The following FAM118A variants were observed in gnomAD, a reference collection of about 807,000 sequenced individuals.
FAM118A encodes SIR2 antiphage like 2.
Under a neutral mutation model 38.2 loss-of-function variants are expected in FAM118A, and 25 were observed. The ratio of observed to expected loss-of-function variants is 0.65; its 90% CI spans 0.48 to 0.91. FAM118A has a LOEUF of 0.91. Among genes scored for constraint, FAM118A ranks in the 40% least tolerant of loss-of-function variants. The pLI is 0.00. For missense variants in FAM118A, 425 were observed against 463.3 expected (o/e 0.92, Z 0.76); for synonymous variants, 178 against 184.1 (o/e 0.97, Z 0.27).
chr22:45,331,771 C>G (rs1480288652), intron 5 of FAM118A, among the ~76,000 whole-genome samples: 1 of 152,162 alleles, frequency 6.6e-6, no homozygotes, highest in Non-Finnish European at 1.5e-5. Context: ...AATACCTGGG[C>G]TGAGACTGAG....
At chr22:45,338,337 T>G (rs1602012772) in intron 8 of FAM118A, among the ~76,000 whole-genome samples, 1 of 152,244 alleles carries the variant, frequency 6.6e-6, no homozygotes, top group East Asian at 1.9e-4. Context: ...TCAAGCTGTT[T>G]TCCTGCCTCA....
chr22:45,336,475 G>A, intron 8 of FAM118A, 64 bp downstream of exon 8: 1 of 1,328,566 alleles, frequency 7.5e-7, no homozygotes, highest in South Asian at 1.2e-5. Flanking sequence ...GGCATCTTCA[G>A]GGACCGTGCT....
At position 45,335,332 on chromosome 22, in the gene FAM118A, C is replaced by T; in HGVS notation, c.938-18C>T. The T allele has an allele frequency of 2.5e-6, 4 of 1,614,206 alleles. No individual in the cohort carries two copies. In the South Asian group the frequency reaches 4.4e-5, roughly 18 times the overall value. Reference sequence around the variant, plus strand: ...CTTGGTGTCTCGGCTCCACTGACTGCTTTTCTTTCTCCTTCAGATGCTGAT... The same window carrying T: ...CTTGGTGTCTCGGCTCCACTGACTGTTTTTCTTTCTCCTTCAGATGCTGAT... On this transcript the variant is annotated intron_variant, in intron 6 of 8. Coordinates refer to ENST00000441876, the MANE Select transcript of FAM118A (RefSeq NM_017911.4).
At chr22:45,309,869 G>C (rs1417859551), upstream of FAM118A, 1 of 152,196 alleles carries the variant, frequency 6.6e-6, no homozygotes, top group Non-Finnish European at 1.5e-5. Context: ...TCCGGGGACC[G>C]CGGGGCCGTT....
chr22:45,322,343 G>A (rs1331254988), intron 1 of FAM118A, 28 bp from the exon 2 acceptor site: 1 of 1,602,750 alleles, frequency 6.2e-7, no homozygotes, highest in East Asian at 2.2e-5. Context: ...GGAGACAGAA[G>A]TCACTTCTGA....
Position 45,335,317 on chromosome 22 carries a change from C to T in FAM118A, c.938-33C>T, listed in dbSNP as rs200113110. 348 of 1,613,910 alleles carry T rather than the reference C, an allele frequency of 2.2e-4. No individual in the cohort carries two copies. The African/African-American group carries it at 4.2e-3, about 20-fold the overall frequency. On this transcript the variant is annotated intron_variant, in intron 6 of 8. Transcript: ENST00000441876. Reference sequence around the variant, plus strand: ...CGAGGAGGACGAGCTCTTGGTGTCTCGGCTCCACTGACTGCTTTTCTTTCT... The same window carrying T: ...CGAGGAGGACGAGCTCTTGGTGTCTTGGCTCCACTGACTGCTTTTCTTTCT...
Position 45,327,728 on chromosome 22 carries a change from G to A in FAM118A, c.301-114G>A, listed in dbSNP as rs2085387149. On this transcript the variant is annotated intron_variant, in intron 3 of 8. Coordinates refer to ENST00000441876, the MANE Select transcript of FAM118A (RefSeq NM_017911.4). Reference sequence around the variant, plus strand: ...GGTTGCGGCGCACGCTGTGAAGCCAGATTTTCTTTGTTTTCAGCCGCTGTA... The same window carrying A: ...GGTTGCGGCGCACGCTGTGAAGCCAAATTTTCTTTGTTTTCAGCCGCTGTA... The A allele has an allele frequency of 2.7e-6, 3 of 1,096,578 alleles. No homozygotes were observed. In the Admixed American group the frequency reaches 6.1e-5, roughly 22 times the overall value. 67.9% of individuals were successfully genotyped at this position (1,096,578 alleles called of 1,614,324 possible).
chr22:45,324,851 A>G (rs1455980392), intron 3 of FAM118A, among the ~76,000 whole-genome samples: 1 of 152,224 alleles, frequency 6.6e-6, no homozygotes, highest in East Asian at 1.9e-4. Flanking sequence ...GTTTGAGACC[A>G]GCCTGGCCAA....
rs117005076 is a variant in FAM118A, at chr22:45,312,021, G to T, written c.-10+1838G>T. ...GGTGGGGAGAGGCTGAGTCTCAGAGGTGGGCCAGGACCATGCTGGGCTAGG... is the reference window on the plus strand; with the variant it reads ...GGTGGGGAGAGGCTGAGTCTCAGAGTTGGGCCAGGACCATGCTGGGCTAGG... On this transcript the variant is annotated intron_variant, in intron 1 of 8. Transcript: ENST00000441876. 1.2e-3 allele frequency among the ~76,000 whole-genome samples: 177 copies of T among 152,222 alleles called. 5 individuals are homozygous for T. In the East Asian group the frequency reaches 0.034, roughly 29 times the overall value.
At position 45,332,447 on chromosome 22, in the gene FAM118A, G is replaced by A. The variant is rs774968419; in HGVS notation, c.674G>A (p.Arg225His). The A allele has an allele frequency of 1.6e-5, 26 of 1,613,512 alleles. No homozygotes were observed. The highest frequency in any genetic ancestry group is 2.1e-5 in the Non-Finnish European group (25 of 1,179,870). Residue 225 changes from arginine to histidine, a missense_variant, in exon 6 of 9, where the codon CGC becomes CAC. Coordinates refer to ENST00000441876, the MANE Select transcript of FAM118A (RefSeq NM_017911.4). ...EVMEVLQNLY[R>H]TKSFLFVGCG... ...TAGGAAGTCCTCCAGAACTTATACC[G>A]CACCAAGTCCTTTCTGTTTGTGGGC...
At chr22:45,318,867 G>A (rs772849259) in intron 1 of FAM118A, 3 of 152,158 alleles carry the variant, frequency 2.0e-5, no homozygotes, top group Non-Finnish European at 2.9e-5. Flanking sequence ...TGTCTGAGGA[G>A]CCAGCACCAG....
intron 8 of FAM118A, among the ~76,000 whole-genome samples, chr22:45,340,034 G>T (rs1253286001): frequency 1.3e-5 from 2 of 152,216 alleles, no homozygotes; most frequent in Non-Finnish European, 2.9e-5. Flanking sequence ...GATCCCAGAG[G>T]AATCGACAGG....
intron 8 of FAM118A, among the ~76,000 whole-genome samples, chr22:45,338,987 G>T (rs1043610005): frequency 6.6e-6 from 1 of 152,258 alleles, no homozygotes; most frequent in African/African-American, 2.4e-5. Flanking sequence ...GGTGGCAGGG[G>T]GTGGGGGCGC....
At chr22:45,332,757 T>C (rs762543302) in intron 6 of FAM118A, 47 bp downstream of exon 6, 1 of 1,522,862 alleles carries the variant, frequency 6.6e-7, no homozygotes, top group South Asian at 1.3e-5. Flanking sequence ...TTTTCTTTTT[T>C]TTTTTTGAGA....
chr22:45,313,104 A>T (rs1381858158), intron 1 of FAM118A, among the ~76,000 whole-genome samples: 1 of 152,084 alleles, frequency 6.6e-6, no homozygotes, highest in African/African-American at 2.4e-5. Context: ...TAGCATACAA[A>T]ATGACAGCAC....
chr22:45,312,078 C>T (rs778304565), intron 1 of FAM118A, among the ~76,000 whole-genome samples: 31 of 152,224 alleles, frequency 2.0e-4, no homozygotes, highest in Non-Finnish European at 3.8e-4. Context: ...GTGGAAAAAC[C>T]ACCCATCGTG....
chr22:45,337,710 T>C, intron 8 of FAM118A: 1 of 402,930 alleles, frequency 2.5e-6, no homozygotes, highest in Non-Finnish European at 3.4e-6. Flanking sequence ...CTCCCCTCCT[T>C]CTCTCTGAGA....
intron 8 of FAM118A, chr22:45,337,830 G>A (rs2086214326): frequency 1.0e-6 from 1 of 985,360 alleles, no homozygotes. Context: ...CCATGTGTCT[G>A]CAGGTGTCTG....
At chr22:45,323,017 G>A (rs754634250) in intron 2 of FAM118A, among the ~76,000 whole-genome samples, 158 bp from the exon 3 acceptor site, 20 of 149,410 alleles carry the variant, frequency 1.3e-4, no homozygotes, top group Admixed American at 4.0e-4. Context: ...TACACAGGCC[G>A]TCTCCCCACA....
Sources: allele counts gnomAD v4.1 joint callset (sites outside exome capture counted in the v4.1 genomes callset), GRCh38; gene constraint gnomAD v4.1.1; transcripts MANE v1.5; gene names NCBI Gene and HGNC (gene_info 2026-07-23, HGNC 2026-07-21).